The following KHDRBS2 variants were observed in gnomAD, a reference collection of about 807,000 sequenced individuals.
KHDRBS2 encodes KH RNA binding domain containing, signal transduction associated 2.
KHDRBS2 carries 26 observed loss-of-function variants against 44.3 expected under a neutral mutation model. That is an observed-to-expected ratio of 0.59 (90% CI 0.43 to 0.81). The LOEUF is 0.81. Among genes scored for constraint, KHDRBS2 ranks in the 40% least tolerant of loss-of-function variants. The pLI is 0.00. For missense variants in KHDRBS2, 476 were observed against 433.1 expected (o/e 1.10, Z -0.88); for synonymous variants, 194 against 151.1 (o/e 1.28, Z -2.08).
chr6:61,665,250 G>T, the KHDRBS2 span, among the ~76,000 whole-genome samples: 2 of 151,540 alleles, frequency 1.3e-5, no homozygotes, highest in African/African-American at 2.4e-5. Context: ...TGGACATACG[G>T]TTTAGGTATT....
chr6:61,994,233 A>G (rs1249892927), intron 3 of KHDRBS2, among the ~76,000 whole-genome samples: 1 of 152,208 alleles, frequency 6.6e-6, no homozygotes, highest in Admixed American at 6.5e-5. Flanking sequence ...GGCGTAATCC[A>G]AGGATATGGT....
chr6:61,689,427 T>C (rs989130483), intron 8 of KHDRBS2, among the ~76,000 whole-genome samples: 3 of 151,890 alleles, frequency 2.0e-5, no homozygotes, highest in African/African-American at 7.3e-5. Flanking sequence ...CCCAAACTTG[T>C]GAGTGTTGTA....
At chr6:62,101,285 C>A (rs1218040179) in intron 2 of KHDRBS2, among the ~76,000 whole-genome samples, 1 of 152,046 alleles carries the variant, frequency 6.6e-6, no homozygotes, top group East Asian at 1.9e-4. Context: ...ATATCAACAT[C>A]CACAGTTTTG....
At chr6:61,622,002 A>G in the KHDRBS2 span, among the ~76,000 whole-genome samples, 2 of 152,218 alleles carry the variant, frequency 1.3e-5, no homozygotes, top group Non-Finnish European at 2.9e-5. Flanking sequence ...CACAGCCTGA[A>G]TGAGCTTGGA....
chr6:61,963,056 A>T lies in KHDRBS2; in HGVS notation c.483+15010T>A, dbSNP rs570344517. On this transcript the variant is annotated intron_variant, in intron 4 of 8. Transcript: ENST00000281156. ...AGACTTATTCACTACCAAACACCAC[A>T]TAAGCTGGTTGCTATTTAATAGTGA... Among the ~76,000 whole-genome samples, 7 of 152,236 alleles carry T rather than the reference A, an allele frequency of 4.6e-5. No homozygotes were observed. In the South Asian group the frequency reaches 1.4e-3, roughly 32 times the overall value.
chr6:61,555,612 C>T, the KHDRBS2 span, among the ~76,000 whole-genome samples: 1 of 152,196 alleles, frequency 6.6e-6, no homozygotes, highest in Non-Finnish European at 1.5e-5. Context: ...AGTTCTTGCA[C>T]TGATTCTTTT....
chr6:62,121,809 A>C (rs1409995268), intron 2 of KHDRBS2, among the ~76,000 whole-genome samples: 2 of 152,152 alleles, frequency 1.3e-5, no homozygotes, highest in Non-Finnish European at 1.5e-5. Context: ...TATTTATGAG[A>C]CATTTGTGTG....
chr6:62,061,668 T>A (rs575108477), intron 2 of KHDRBS2, among the ~76,000 whole-genome samples: 1 of 151,220 alleles, frequency 6.6e-6, no homozygotes, highest in South Asian at 2.1e-4. Flanking sequence ...TTGCTCTTCT[T>A]GAGGAGTATC....
intron 6 of KHDRBS2, among the ~76,000 whole-genome samples, chr6:61,884,423 T>C (rs1378959702): frequency 1.3e-5 from 2 of 152,132 alleles, no homozygotes; most frequent in Admixed American, 6.6e-5. Flanking sequence ...GTCTGGGTGT[T>C]AACCCTTAGA....
In KHDRBS2 at chr6:61,718,112, A is replaced by T. The variant is rs558272724; in HGVS notation, c.893+14570T>A. Among the ~76,000 whole-genome samples, 5 of 152,060 alleles carry T rather than the reference A, an allele frequency of 3.3e-5. No individual in the cohort carries two copies. In the East Asian group the frequency reaches 5.8e-4, roughly 18 times the overall value. On this transcript the variant is annotated intron_variant, in intron 7 of 8. Coordinates refer to ENST00000281156, the MANE Select transcript of KHDRBS2 (RefSeq NM_152688.4). ...TTGCAGGGATTAAATGAGATAAAAC[A>T]CCTCCCAACACTTAGCGTAGCAGCT...
At chr6:61,594,751 T>C in the KHDRBS2 span, among the ~76,000 whole-genome samples, 1 of 152,130 alleles carries the variant, frequency 6.6e-6, no homozygotes, top group African/African-American at 2.4e-5. Context: ...TATCTCTTTT[T>C]CAGATGCCTC....
At chr6:61,546,303 A>G in the KHDRBS2 span, among the ~76,000 whole-genome samples, 1 of 152,030 alleles carries the variant, frequency 6.6e-6, no homozygotes, top group African/African-American at 2.4e-5. Context: ...AAAAAATAAC[A>G]GAAAATTTTA....
intron 2 of KHDRBS2, among the ~76,000 whole-genome samples, chr6:62,106,534 G>A (rs957940653): frequency 1.3e-5 from 2 of 152,060 alleles, no homozygotes; most frequent in African/African-American, 4.8e-5. Flanking sequence ...CAGGTACAAG[G>A]AGGAACTGGT....
chr6:61,776,200 G>C (rs183847431), intron 6 of KHDRBS2, among the ~76,000 whole-genome samples: 89,339 of 147,262 alleles, frequency 0.61, 26,654 homozygotes, highest in African/African-American at 0.72. Flanking sequence ...AGAAGAAAAC[G>C]TAGGCATTAC....
intron 1 of KHDRBS2, among the ~76,000 whole-genome samples, chr6:62,283,287 C>A (rs1842045064): frequency 6.6e-6 from 1 of 152,008 alleles, no homozygotes; most frequent in Non-Finnish European, 1.5e-5. Context: ...CTACAATGGA[C>A]CCCCCAAAAA....
chr6:61,777,467 A>T (rs1241172703), intron 6 of KHDRBS2, among the ~76,000 whole-genome samples: 1 of 152,160 alleles, frequency 6.6e-6, no homozygotes, highest in African/African-American at 2.4e-5. Flanking sequence ...AGAAAGAGTA[A>T]TGAACTTATT....
At chr6:61,720,024 C>A (rs1391658385) in intron 7 of KHDRBS2, among the ~76,000 whole-genome samples, 4 of 151,852 alleles carry the variant, frequency 2.6e-5, no homozygotes, top group Admixed American at 1.3e-4. Flanking sequence ...TGAGAATATG[C>A]GGTGTTTGGT....
chr6:61,951,903 A>T (rs1300840219), intron 4 of KHDRBS2, among the ~76,000 whole-genome samples: 1 of 151,570 alleles, frequency 6.6e-6, no homozygotes, highest in African/African-American at 2.4e-5. Flanking sequence ...TGTAGTTACA[A>T]TTTTTTCAGT....
At chr6:61,945,150 T>TATATATATATATATATATACAC (rs371595813) in intron 4 of KHDRBS2, among the ~76,000 whole-genome samples, 1 of 87,012 alleles carries the variant, frequency 1.1e-5, no homozygotes, top group Non-Finnish European at 2.3e-5. Flanking sequence ...TATATATATA[T>TATATATATATATATATATACAC]ACACACAGAC....
Sources: allele counts gnomAD v4.1 joint callset (sites outside exome capture counted in the v4.1 genomes callset), GRCh38; gene constraint gnomAD v4.1.1; transcripts MANE v1.5; gene names NCBI Gene and HGNC (gene_info 2026-07-23, HGNC 2026-07-21).